SV2C: variants seen among roughly 807,000 people sequenced by gnomAD.
The protein encoded by SV2C is synaptic vesicle glycoprotein 2C, also known as solute carrier family 22 member B3.
SV2C carries 49 observed loss-of-function variants against 79.7 expected under a neutral mutation model. The ratio of observed to expected loss-of-function variants is 0.61; its 90% CI spans 0.49 to 0.78. The LOEUF (loss-of-function observed/expected upper bound fraction) is 0.78, where lower values mean the gene tolerates loss of function less well. Ranked by LOEUF, SV2C falls within the 30% of genes least tolerant of loss-of-function variation. The pLI is 0.00. For missense variants in SV2C, 833 were observed against 912.9 expected, an observed-to-expected ratio of 0.91 and a Z score of 1.13; for synonymous variants, 334 against 333.2, an observed-to-expected ratio of 1.00 and a Z score of -0.03.
chr5:75,931,454 C>T, the SV2C span, among the ~76,000 whole-genome samples: 4 of 152,218 alleles, frequency 2.6e-5, no homozygotes, highest in Non-Finnish European at 4.4e-5. Flanking sequence ...AATCAAAATG[C>T]TTTGTAACTG....
chr5:75,885,271 A>G, the SV2C span, among the ~76,000 whole-genome samples: 4 of 152,136 alleles, frequency 2.6e-5, no homozygotes, highest in East Asian at 1.9e-4. Flanking sequence ...CTATAACATA[A>G]TATTTTATTA....
chr5:76,245,561 G>A (rs763490725), intron 4 of SV2C, among the ~76,000 whole-genome samples: 2 of 152,174 alleles, frequency 1.3e-5, no homozygotes, highest in African/African-American at 2.4e-5. Flanking sequence ...ATGTATTGAT[G>A]TCCTTGGTTT....
chr5:76,038,556 A>G, the SV2C span, among the ~76,000 whole-genome samples: 1 of 152,218 alleles, frequency 6.6e-6, no homozygotes, highest in Non-Finnish European at 1.5e-5. Context: ...AAATGTTAAT[A>G]AGGCAGATAA....
intron 2 of SV2C, among the ~76,000 whole-genome samples, chr5:76,194,413 T>G (rs1187014581): frequency 3.3e-5 from 5 of 152,336 alleles, no homozygotes; most frequent in East Asian, 1.9e-4. Flanking sequence ...TCAATCCTTC[T>G]GCTTTTGGAA....
At chr5:76,230,480 T>C (rs560994060) in intron 4 of SV2C, among the ~76,000 whole-genome samples, 5 of 152,306 alleles carry the variant, frequency 3.3e-5, no homozygotes, top group African/African-American at 9.6e-5. Flanking sequence ...GTAGGCAATA[T>C]TGTCTAAGCA....
chr5:76,031,345 G>A, the SV2C span, among the ~76,000 whole-genome samples: 1 of 152,166 alleles, frequency 6.6e-6, no homozygotes, highest in African/African-American at 2.4e-5. Context: ...GCCAATAATG[G>A]CATCCACTGC....
chr5:75,909,996 T>C, the SV2C span, among the ~76,000 whole-genome samples: 1 of 152,194 alleles, frequency 6.6e-6, no homozygotes, highest in Non-Finnish European at 1.5e-5. Flanking sequence ...TTCCCTGTTG[T>C]TAGTTTGTGC....
intron 3 of SV2C, among the ~76,000 whole-genome samples, chr5:76,197,079 A>T (rs548572452): frequency 6.6e-6 from 1 of 152,216 alleles, no homozygotes; most frequent in African/African-American, 2.4e-5. Flanking sequence ...GCCCATTATC[A>T]TGGAGTCTTA....
rs563435802 is a variant in SV2C, at chr5:76,269,154, TATAAG to T, written c.914-16005_914-16001del. Among the ~76,000 whole-genome samples the T allele has an allele frequency of 2.8e-3, 434 of 152,294 alleles. 1 individual carries two copies. Among genetic ancestry groups the T allele is most frequent in the African/African-American group, 0.01 (419 of 41,544 alleles). ...AAGGTGGTGAGCCTGTCCTGTGTATTATAAGATGTTTAGTAGCATCCATGGCCTCT... is the reference window on the plus strand; with the variant it reads ...AAGGTGGTGAGCCTGTCCTGTGTATTATGTTTAGTAGCATCCATGGCCTCT... On this transcript the variant is annotated intron_variant, in intron 4 of 12. Transcript: ENST00000502798.
chr5:75,968,659 A>G, the SV2C span, among the ~76,000 whole-genome samples: 3,109 of 152,352 alleles, frequency 0.02, 79 homozygotes, highest in African/African-American at 0.056. Context: ...AAAGCCTCCA[A>G]GAAATATGGG....
At chr5:76,013,689 TA>T in the SV2C span, among the ~76,000 whole-genome samples, 7 of 152,132 alleles carry the variant, frequency 4.6e-5, no homozygotes, top group Non-Finnish European at 1.0e-4. Flanking sequence ...AAGTAATTTA[TA>T]AAAATAATGT....
the SV2C span, among the ~76,000 whole-genome samples, chr5:75,858,304 C>A: frequency 6.6e-6 from 1 of 152,046 alleles, no homozygotes; most frequent in Non-Finnish European, 1.5e-5. Flanking sequence ...TGAGGGTTTT[C>A]ATCAGGAAAA....
chr5:76,255,940 G>A (rs569470385), intron 4 of SV2C, among the ~76,000 whole-genome samples: 2 of 152,324 alleles, frequency 1.3e-5, no homozygotes, highest in South Asian at 4.1e-4. Flanking sequence ...GAAATACAGT[G>A]TCAGGCCAGT....
chr5:75,861,954 C>T, the SV2C span, among the ~76,000 whole-genome samples: 1 of 152,174 alleles, frequency 6.6e-6, no homozygotes, highest in East Asian at 1.9e-4. Flanking sequence ...GTACATGTAT[C>T]TTCTGAACCT....
At chr5:76,296,047 T>A in intron 9 of SV2C, 105 bp downstream of exon 9, 1 of 1,115,332 alleles carries the variant, frequency 9.0e-7, no homozygotes, top group Non-Finnish European at 1.2e-6. Flanking sequence ...TTGTTTGTTT[T>A]AGTTTGTACA....
rs754668123 is a variant in SV2C, at chr5:76,173,670, G to T, written c.581-21249G>T. 5 of 1,613,688 alleles carry T rather than the reference G, an allele frequency of 3.1e-6. No homozygotes were observed. In the South Asian group the frequency reaches 4.4e-5, roughly 14 times the overall value. On this transcript the variant is annotated intron_variant, in intron 2 of 12. Coordinates refer to ENST00000502798, the MANE Select transcript of SV2C (RefSeq NM_014979.4). ...GATGACTTTTTGCGAGCCTTCCCAG[G>T]CACTGGAGTTTTTCTGTTAATTTGC... is the stretch of plus-strand genomic sequence containing the variant.
intron 4 of SV2C, among the ~76,000 whole-genome samples, chr5:76,225,604 C>T (rs1014518048): frequency 1.3e-5 from 2 of 151,980 alleles, no homozygotes; most frequent in Non-Finnish European, 2.9e-5. Flanking sequence ...AAAAAAATTG[C>T]TCTTGTGTAA....
At chr5:76,002,413 G>A in the SV2C span, among the ~76,000 whole-genome samples, 27 of 152,284 alleles carry the variant, frequency 1.8e-4, no homozygotes, top group South Asian at 5.4e-3. Context: ...GGTCACTGCA[G>A]GGAGGAAGAA....
At chr5:76,173,916 A>G (rs1476791341) in intron 2 of SV2C, 3 of 1,590,250 alleles carry the variant, frequency 1.9e-6, no homozygotes, top group Non-Finnish European at 2.6e-6. Context: ...AAATCGTTAA[A>G]TGTGGACTGT....
Sources: gnomAD v4.1 joint callset for allele counts (sites outside exome capture counted in the v4.1 genomes callset) on GRCh38, gnomAD v4.1.1 for gene constraint, MANE v1.5 for transcripts, NCBI Gene and HGNC (gene_info 2026-07-23, HGNC 2026-07-21) for gene names.